NR2E3: variants seen among roughly 807,000 people sequenced by gnomAD.
The protein encoded by NR2E3 is nuclear receptor subfamily 2 group E member 3.
In NR2E3, 38 loss-of-function variants were observed where a neutral mutation model predicts 37.6. The ratio of observed to expected loss-of-function variants is 1.01; its 90% CI spans 0.78 to 1.33. NR2E3 has a LOEUF of 1.33. NR2E3 is among the 40% of genes most tolerant of loss of function. The pLI is 0.00. For synonymous variants in NR2E3, 235 were observed against 225.1 expected, an observed-to-expected ratio of 1.04 and a Z score of -0.39; for missense variants, 562 against 558.7, an observed-to-expected ratio of 1.01 and a Z score of -0.06.
At chr15:71,814,214 C>G in intron 7 of NR2E3, 97 bp downstream of exon 7, 1 of 1,492,484 alleles carries the variant, frequency 6.7e-7, no homozygotes, top group South Asian at 1.3e-5. Context: ...TTAGACAGCA[C>G]AAGGGTCTCA....
At chr15:71,814,921 AG>A in intron 7 of NR2E3, 2 of 984,214 alleles carry the variant, frequency 2.0e-6, no homozygotes, top group Non-Finnish European at 1.2e-6. Flanking sequence ...AGGGAAGAGG[AG>A]CTCTTTGGGA....
chr15:71,812,590 A>T (rs2054194483), intron 5 of NR2E3, 79 bp downstream of exon 5: 1 of 1,239,788 alleles, frequency 8.1e-7, no homozygotes, highest in Non-Finnish European at 1.1e-6. Flanking sequence ...GACAGGGCAC[A>T]CACATCCCCA....
chr15:71,811,811 C>T lies in NR2E3; in HGVS notation c.291C>T (p.Arg97=). The change falls in exon 3 of 8, where the codon CGC becomes CGT. Residue 97 remains arginine (R), a synonymous_variant. Coordinates refer to ENST00000617575, the MANE Select transcript of NR2E3 (RefSeq NM_014249.4). The surrounding 1 kb of genome is among the most constrained non-coding windows in gnomAD (Gnocchi z 5.6). ...TGTGCCCCGTGGACAAGGCCCACCG[C>T]AACCAGTGCCAGGCCTGCCGGCTGA... is the stretch of plus-strand genomic sequence containing the variant. ...AGMCPVDKAH[R]NQCQACRLKK... The T allele has an allele frequency of 6.4e-7, 1 of 1,551,422 alleles. No individual in the cohort carries two copies. The highest frequency in any genetic ancestry group is 8.7e-7 in the Non-Finnish European group (1 of 1,147,050).
chr15:71,810,569 C>T lies in NR2E3; in HGVS notation c.-175C>T. 2.2e-6 allele frequency: 2 copies of T among 907,626 alleles called. No homozygotes were observed. Among genetic ancestry groups the T allele is most frequent in the Non-Finnish European group, 3.3e-6 (2 of 614,798 alleles). The allele number at this position is 907,626 out of a possible 1,614,324, so 56.2% of individuals were successfully genotyped here. Reference sequence around the variant, plus strand: ...CTGCCCCGGGAGAAATCTCCTCAAGCCAGAGCCTGTGCTGTGAGGGGCTTC... The same window carrying T: ...CTGCCCCGGGAGAAATCTCCTCAAGTCAGAGCCTGTGCTGTGAGGGGCTTC... On this transcript the variant is annotated 5_prime_UTR_variant, in exon 1 of 8. Transcript: ENST00000617575.
rs977057708 is a variant in NR2E3, at chr15:71,813,049, G to T, written c.748-340G>T. Among the ~76,000 whole-genome samples the T allele has an allele frequency of 6.6e-6, 1 of 152,202 alleles. No individual in the cohort carries two copies. The highest frequency in any genetic ancestry group is 2.4e-5 in the African/African-American group (1 of 41,450). On this transcript the variant is annotated intron_variant, in intron 5 of 7. Coordinates refer to ENST00000617575, the MANE Select transcript of NR2E3 (RefSeq NM_014249.4). The surrounding 1 kb of genome is among the most constrained non-coding windows in gnomAD (Gnocchi z 4.7). Reference sequence around the variant, plus strand: ...GCCCTCAGCCAGTCTGTGTGCTGGGGTGGAGCAACTCAGAAGAGTCAGGCC... The same window carrying T: ...GCCCTCAGCCAGTCTGTGTGCTGGGTTGGAGCAACTCAGAAGAGTCAGGCC...
In NR2E3 at chr15:71,812,696, G is replaced by A. The variant is rs372460062; in HGVS notation, c.747+185G>A. Among the ~76,000 whole-genome samples the A allele has an allele frequency of 3.9e-3, 600 of 152,296 alleles. 2 individuals are homozygous for A. The highest frequency in any genetic ancestry group is 0.01 in the Middle Eastern group (3 of 294). Reference sequence around the variant, plus strand: ...TGGGGTGCATCTCAGGGATGGTGACGGTGGGGGTGCATGCATCTCTGGCAC... The same window carrying A: ...TGGGGTGCATCTCAGGGATGGTGACAGTGGGGGTGCATGCATCTCTGGCAC... On this transcript the variant is annotated intron_variant, in intron 5 of 7. Coordinates refer to ENST00000617575, the MANE Select transcript of NR2E3 (RefSeq NM_014249.4).
At chr15:71,815,421 G>A (rs911681923) in intron 7 of NR2E3, among the ~76,000 whole-genome samples, 5 of 152,302 alleles carry the variant, frequency 3.3e-5, no homozygotes, top group Admixed American at 1.3e-4. Flanking sequence ...TAGGGAGAAC[G>A]CTGCTACTAC....
chr15:71,812,185 G>T lies in NR2E3; in HGVS notation c.571+9G>T, dbSNP rs959629914. 1 of 1,591,320 alleles carries T rather than the reference G, an allele frequency of 6.3e-7. No individual in the cohort carries two copies. On this transcript the variant is annotated intron_variant, in intron 4 of 7. Transcript: ENST00000617575. Reference sequence around the variant, plus strand: ...GCTGGAGCCAGAGGATGGTGAGTGGGAGAGCAGCTGAGGGCACAGCAGGGC... The same window carrying T: ...GCTGGAGCCAGAGGATGGTGAGTGGTAGAGCAGCTGAGGGCACAGCAGGGC...
At position 71,811,805 on chromosome 15, in the gene NR2E3, C is replaced by T. The variant is rs1333692352; in HGVS notation, c.285C>T (p.Ala95=). 2 of 1,551,336 alleles carry T rather than the reference C, an allele frequency of 1.3e-6. No individual in the cohort carries two copies. Among genetic ancestry groups the T allele is most frequent in the Non-Finnish European group, 8.7e-7 (1 of 1,147,006 alleles). ...CAGGGATGTGCCCCGTGGACAAGGC[C>T]CACCGCAACCAGTGCCAGGCCTGCC... ...VGAGMCPVDK[A]HRNQCQACRL... Residue 95 remains alanine, a synonymous_variant, in exon 3 of 8, where the codon GCC becomes GCT. Coordinates refer to ENST00000617575, the MANE Select transcript of NR2E3 (RefSeq NM_014249.4). This position sits in a 1 kb window ranked among gnomAD's most constrained non-coding sequence, Gnocchi z 5.6.
At chr15:71,814,996 T>C (rs1264910930) in intron 7 of NR2E3, 1 of 773,364 alleles carries the variant, frequency 1.3e-6, no homozygotes, top group Non-Finnish European at 1.6e-6. Context: ...GGGAAGATGA[T>C]AAGGTGTTTT....
At position 71,811,710 on chromosome 15, in the gene NR2E3, C is replaced by T; in HGVS notation, c.246-56C>T. The T allele has an allele frequency of 1.9e-6, 3 of 1,547,872 alleles. No homozygotes were observed. The highest frequency in any genetic ancestry group is 2.6e-6 in the Non-Finnish European group (3 of 1,143,514). The stretch of plus-strand genomic sequence containing the variant: ...GGGCTTGGGCAAAAATGTCCAAGCC[C>T]ATGGCTCAGGGCATGGGAGGGACAC... On this transcript the variant is annotated intron_variant, in intron 2 of 7. Transcript: ENST00000617575. The surrounding 1 kb of genome is among the most constrained non-coding windows in gnomAD (Gnocchi z 5.6).
At position 71,811,956 on chromosome 15, in the gene NR2E3, C is replaced by T. The variant is rs572488420; in HGVS notation, c.351C>T (p.Ala117=). Reference sequence around the variant, plus strand: ...TCCTGACCCTTCCTGCCTCCCCAGCCGTGCAGAACGAGCGCCAGCCGCGAA... The same window carrying T: ...TCCTGACCCTTCCTGCCTCCCCAGCTGTGCAGAACGAGCGCCAGCCGCGAA... The part of the protein sequence containing the change: ...KCLQAGMNQD[A]VQNERQPRST... The change falls in exon 4 of 8, where the codon GCC becomes GCT. Residue 117 remains alanine, a splice_region_variant and synonymous_variant. Transcript: ENST00000617575. This position sits in a 1 kb window ranked among gnomAD's most constrained non-coding sequence, Gnocchi z 5.6. 2.6e-5 allele frequency: 40 copies of T among 1,550,030 alleles called. No individual in the cohort carries two copies. Among genetic ancestry groups the T allele is most frequent in the East Asian group, 1.2e-4 (5 of 40,872 alleles).
intron 7 of NR2E3, among the ~76,000 whole-genome samples, chr15:71,817,157 A>G (rs1054730937): frequency 7.0e-6 from 1 of 143,434 alleles, no homozygotes; most frequent in Non-Finnish European, 1.5e-5. Context: ...GGAGTGCAGT[A>G]GCGGGATCTC....
rs778754527 is a variant in NR2E3 at position 71,810,796 on chromosome 15, C to A, written c.53C>A (p.Pro18His). The change falls in exon 1 of 8, where the codon CCT (proline) becomes CAT (histidine). Residue 18 changes from proline to histidine, a missense_variant. Coordinates refer to ENST00000617575, the MANE Select transcript of NR2E3 (RefSeq NM_014249.4). ...AGCTCCACAGTGGCTGCAGCTGCGCCTGCAGCTGGGGCTGCCTCCAGGAAG... is the reference window on the plus strand; with the variant it reads ...AGCTCCACAGTGGCTGCAGCTGCGCATGCAGCTGGGGCTGCCTCCAGGAAG... ...LMSSTVAAAA[P>H]AAGAASRKES... 2 of 1,576,860 alleles carry A rather than the reference C, an allele frequency of 1.3e-6. No homozygotes were observed.
chr15:71,816,193 C>G (rs562438209), intron 7 of NR2E3, among the ~76,000 whole-genome samples: 1 of 152,254 alleles, frequency 6.6e-6, no homozygotes, highest in South Asian at 2.1e-4. Flanking sequence ...GTTTAGTTCC[C>G]CCATCTGTCT....
At position 71,813,430 on chromosome 15, in the gene NR2E3, C is replaced by T. The variant is rs781235826; in HGVS notation, c.789C>T (p.Leu263=). Residue 263 remains leucine (L), a synonymous_variant, in exon 6 of 8, where the codon CTC becomes CTT. Coordinates refer to ENST00000617575, the MANE Select transcript of NR2E3 (RefSeq NM_014249.4). The surrounding 1 kb of genome is among the most constrained non-coding windows in gnomAD (Gnocchi z 4.7). ...AGGCGTGGAGTGAACTCTTTCTCCTCGGGGCCATCCAGTGGTCTCTGCCTC... is the reference window on the plus strand; with the variant it reads ...AGGCGTGGAGTGAACTCTTTCTCCTTGGGGCCATCCAGTGGTCTCTGCCTC... ...LEEAWSELFL[L]GAIQWSLPLD... The T allele has an allele frequency of 2.5e-5, 41 of 1,610,564 alleles. No individual in the cohort carries two copies. The highest frequency in any genetic ancestry group is 3.1e-5 in the Non-Finnish European group (37 of 1,178,554).
At position 71,814,133 on chromosome 15, in the gene NR2E3, GC is replaced by G; in HGVS notation, c.1100+19del. ...AGCCCGTGAGGTGACCTGAGCATGC[GC>G]CCACCCACTCATCTGTCCCTGACCT... On this transcript the variant is annotated intron_variant, in intron 7 of 7. Transcript: ENST00000617575. 6.2e-7 allele frequency: 1 copy of G among 1,605,214 alleles called. No homozygotes were observed.
chr15:71,814,296 TGTAC>T, intron 7 of NR2E3, 179 bp downstream of exon 7: 5 of 1,409,354 alleles, frequency 3.5e-6, no homozygotes, highest in Non-Finnish European at 4.6e-6. Context: ...GGGACCAAGA[TGTAC>T]ATAAGACAAA....
rs1204851193 is a variant in NR2E3, at chr15:71,811,161, A to G, written c.118+300A>G. Among the ~76,000 whole-genome samples the G allele has an allele frequency of 6.6e-6, 1 of 152,106 alleles. No individual in the cohort carries two copies. Among genetic ancestry groups the G allele is most frequent in the South Asian group, 2.1e-4 (1 of 4,826 alleles). Reference sequence around the variant, plus strand: ...CACAGAGGTCCCTAGTGGCGTTGACAAGAATGTTTCTGTGGGATGATGGAG... The same window carrying G: ...CACAGAGGTCCCTAGTGGCGTTGACGAGAATGTTTCTGTGGGATGATGGAG... On this transcript the variant is annotated intron_variant, in intron 1 of 7. Transcript: ENST00000617575. The surrounding 1 kb of genome is among the most constrained non-coding windows in gnomAD (Gnocchi z 5.6).
Sources: allele counts gnomAD v4.1 joint callset (sites outside exome capture counted in the v4.1 genomes callset), GRCh38; gene constraint gnomAD v4.1.1; non-coding constraint Gnocchi (gnomAD v3.1); transcripts MANE v1.5; gene names NCBI Gene and HGNC (gene_info 2026-07-23, HGNC 2026-07-21).